The following LHFPL6 variants were observed in gnomAD, a reference collection of about 807,000 sequenced individuals.
The protein encoded by LHFPL6 is LHFPL tetraspan subfamily member 6, also known as LHFPL tetraspan subfamily member 6 protein.
Under a neutral mutation model 20.6 loss-of-function variants are expected in LHFPL6, and 9 were observed. That is an observed-to-expected ratio of 0.44 (90% CI 0.26 to 0.76). LHFPL6 has a LOEUF of 0.76. LHFPL6 is among the 30% of genes least tolerant of loss of function. The probability of loss-of-function intolerance (pLI) is 0.20; values close to 1 mark genes in which losing one functional copy is unlikely to be tolerated. For missense variants in LHFPL6, 218 were observed against 253.5 expected (o/e 0.86, Z 0.95); for synonymous variants, 105 against 98.7 (o/e 1.06, Z -0.38).
At chr13:39,588,484 A>G (rs1397190444) in intron 2 of LHFPL6, among the ~76,000 whole-genome samples, 1 of 152,262 alleles carries the variant, frequency 6.6e-6, no homozygotes, top group Non-Finnish European at 1.5e-5. Flanking sequence ...TTTGTGAAAC[A>G]AAGTGTTAAA....
Position 39,591,762 on chromosome 13 carries a change from GCT to G in LHFPL6, c.385+9068_385+9069del, listed in dbSNP as rs1317216329. On this transcript the variant is annotated intron_variant, in intron 2 of 3. Transcript: ENST00000379589. ...GCCTTGGACTGTTTACATGGAATAAGCTCTCTGGTGATTTTTAAGCCTACTAG... is the reference window on the plus strand; with the variant it reads ...GCCTTGGACTGTTTACATGGAATAAGCTCTGGTGATTTTTAAGCCTACTAG... Among the ~76,000 whole-genome samples the G allele has an allele frequency of 4.6e-5, 7 of 152,096 alleles. No individual in the cohort carries two copies. In the South Asian group the frequency reaches 8.3e-4, roughly 18 times the overall value.
intron 3 of LHFPL6, among the ~76,000 whole-genome samples, chr13:39,348,811 A>G (rs1305482221): frequency 3.9e-5 from 6 of 152,234 alleles, no homozygotes; most frequent in African/African-American, 1.2e-4. Flanking sequence ...CTCTCCCCAC[A>G]CTACCCTCTT....
intron 2 of LHFPL6, among the ~76,000 whole-genome samples, chr13:39,550,980 C>A (rs1321059971): frequency 6.6e-6 from 1 of 152,068 alleles, no homozygotes; most frequent in Non-Finnish European, 1.5e-5. Context: ...GATTCACTGA[C>A]CTTTTACCCA....
chr13:39,507,475 A>G (rs1169034180), intron 2 of LHFPL6, among the ~76,000 whole-genome samples: 1 of 152,192 alleles, frequency 6.6e-6, no homozygotes, highest in Admixed American at 6.5e-5. Context: ...TCCCCAAAGT[A>G]TGTGGGAAAT....
intron 2 of LHFPL6, among the ~76,000 whole-genome samples, chr13:39,562,383 C>CAG (rs1566141893): frequency 8.0e-6 from 1 of 125,684 alleles, no homozygotes; most frequent in Non-Finnish European, 1.7e-5. Context: ...TACATATATA[C>CAG]ATATACATAT....
At chr13:39,421,205 T>C (rs2138396172) in intron 2 of LHFPL6, among the ~76,000 whole-genome samples, 1 of 152,332 alleles carries the variant, frequency 6.6e-6, no homozygotes, top group Middle Eastern at 3.4e-3. Flanking sequence ...AGATTGAAAG[T>C]AAAACTCCAA....
At chr13:39,388,310 CA>C (rs1870620129) in intron 2 of LHFPL6, among the ~76,000 whole-genome samples, 1 of 152,048 alleles carries the variant, frequency 6.6e-6, no homozygotes, top group Non-Finnish European at 1.5e-5. Context: ...CGTTATGCAC[CA>C]AAATACTTGC....
chr13:39,442,395 GC>G (rs1399063535), intron 2 of LHFPL6, among the ~76,000 whole-genome samples: 1 of 152,098 alleles, frequency 6.6e-6, no homozygotes, highest in African/African-American at 2.4e-5. Context: ...TACTTACATT[GC>G]CCCAAACAAG....
chr13:39,406,225 T>C (rs939204973), intron 2 of LHFPL6, among the ~76,000 whole-genome samples: 4 of 152,334 alleles, frequency 2.6e-5, no homozygotes, highest in South Asian at 2.1e-4. Flanking sequence ...AATACACCAT[T>C]TGAGGAAGAA....
intron 2 of LHFPL6, among the ~76,000 whole-genome samples, chr13:39,537,022 G>A (rs1311783003): frequency 6.6e-6 from 1 of 152,104 alleles, no homozygotes; most frequent in Non-Finnish European, 1.5e-5. Context: ...TCCCTCCATG[G>A]GGCCTGTTCC....
chr13:39,490,109 G>A (rs1005773432), intron 2 of LHFPL6, among the ~76,000 whole-genome samples: 1 of 151,340 alleles, frequency 6.6e-6, no homozygotes, highest in Non-Finnish European at 1.5e-5. Context: ...AAAAAAAACA[G>A]GAAACGTCAC....
chr13:39,432,641 A>AT (rs1566110432), intron 2 of LHFPL6, among the ~76,000 whole-genome samples: 1 of 152,188 alleles, frequency 6.6e-6, no homozygotes, highest in Non-Finnish European at 1.5e-5. Context: ...TCCTGGCTGT[A>AT]TAAGTTTTTC....
chr13:39,395,729 C>G (rs537653301), intron 2 of LHFPL6, among the ~76,000 whole-genome samples: 1 of 152,306 alleles, frequency 6.6e-6, no homozygotes, highest in Non-Finnish European at 1.5e-5. Context: ...CCCACTTTCC[C>G]AGTCTTTATG....
intron 3 of LHFPL6, among the ~76,000 whole-genome samples, chr13:39,357,844 G>A (rs963178401): frequency 2.0e-5 from 3 of 152,054 alleles, no homozygotes; most frequent in Admixed American, 6.5e-5. Flanking sequence ...AGAAATCATC[G>A]ATGACACAAA....
At chr13:39,486,828 A>G (rs1868742538) in intron 2 of LHFPL6, among the ~76,000 whole-genome samples, 1 of 152,230 alleles carries the variant, frequency 6.6e-6, no homozygotes, top group African/African-American at 2.4e-5. Flanking sequence ...ATTTAGAACA[A>G]GTGAGTAGCT....
intron 2 of LHFPL6, among the ~76,000 whole-genome samples, chr13:39,461,207 T>C (rs1218814450): frequency 2.6e-5 from 4 of 152,208 alleles, no homozygotes; most frequent in Non-Finnish European, 5.9e-5. Flanking sequence ...ATGGTGTATA[T>C]GTACCACACT....
intron 2 of LHFPL6, among the ~76,000 whole-genome samples, chr13:39,530,913 T>C (rs1322226546): frequency 2.0e-5 from 3 of 151,292 alleles, no homozygotes; most frequent in Admixed American, 6.6e-5. Context: ...AAAGCTACAA[T>C]GCTGGTTACA....
intron 2 of LHFPL6, among the ~76,000 whole-genome samples, chr13:39,421,879 C>T (rs1281899935): frequency 6.6e-6 from 1 of 152,112 alleles, no homozygotes; most frequent in Non-Finnish European, 1.5e-5. Flanking sequence ...AAATGCACAC[C>T]TACAAAACCA....
chr13:39,575,609 C>T (rs150223935), intron 2 of LHFPL6, among the ~76,000 whole-genome samples: 4 of 152,206 alleles, frequency 2.6e-5, no homozygotes, highest in African/African-American at 9.6e-5. Flanking sequence ...CAAGTGATAA[C>T]GCTGTGAATC....
Sources: allele counts gnomAD v4.1 joint callset (sites outside exome capture counted in the v4.1 genomes callset), GRCh38; gene constraint gnomAD v4.1.1; transcripts MANE v1.5; gene names NCBI Gene and HGNC (gene_info 2026-07-23, HGNC 2026-07-21).